The following HDAC4 variants were observed in gnomAD, a reference collection of about 807,000 sequenced individuals.
HDAC4 encodes the protein histone deacetylase A.
In HDAC4, 16 loss-of-function variants were observed where a neutral mutation model predicts 135.1. The observed-to-expected ratio is 0.12, with a 90% confidence interval of 0.08 to 0.18. HDAC4 has a LOEUF of 0.18. Ranked by LOEUF, HDAC4 falls within the 10% of genes least tolerant of loss-of-function variation. The pLI, the probability that HDAC4 is intolerant of heterozygous loss-of-function variation, is 1.00. For missense variants in HDAC4, 1,143 were observed against 1,511.8 expected (o/e 0.76, Z 4.05); for synonymous variants, 685 against 653.4 (o/e 1.05, Z -0.74).
chr2:239,308,817 C>T lies in HDAC4; in HGVS notation c.22+43861G>A, dbSNP rs1271494324. 6.6e-6 allele frequency among the ~76,000 whole-genome samples: 1 copy of T among 152,138 alleles called. No individual in the cohort carries two copies. Among genetic ancestry groups the T allele is most frequent in the Non-Finnish European group, 1.5e-5 (1 of 68,026 alleles). On this transcript the variant is annotated intron_variant, in intron 2 of 26. Coordinates refer to ENST00000543185, the MANE Select transcript of HDAC4 (RefSeq NM_001378414.1). This position sits in a 1 kb window ranked among gnomAD's most constrained non-coding sequence, Gnocchi z 4.2. The stretch of plus-strand genomic sequence containing the variant: ...TAGCAGGAGGCTCACGTTCCGAGTC[C>T]TCATTGCTCCCAGACCCAAGGGCAA...
At position 239,053,462 on chromosome 2, in the gene HDAC4, C is replaced by T; in HGVS notation, c.3228G>A (p.Lys1076=). The T allele has an allele frequency of 2.5e-6, 4 of 1,612,940 alleles. No homozygotes were observed. The highest frequency in any genetic ancestry group is 2.7e-5 in the African/African-American group (2 of 75,066). Reference sequence around the variant, plus strand: ...CGGGCGGCAGGGCAGGTGCTCACCTCTTTTCGGCGGGCTTCACGCCCACGG... The same window carrying T: ...CGGGCGGCAGGGCAGGTGCTCACCTTTTTTCGGCGGGCTTCACGCCCACGG... ...SLSVGVKPAE[K]RPDEEPMEEE... The change falls in exon 26 of 27, where the codon AAG becomes AAA. Residue 1076 remains lysine, a splice_region_variant and synonymous_variant. Transcript: ENST00000543185.
At chr2:239,375,027 T>C (rs1423287632) in intron 1 of HDAC4, among the ~76,000 whole-genome samples, 1 of 152,066 alleles carries the variant, frequency 6.6e-6, no homozygotes, top group African/African-American at 2.4e-5. Context: ...GGGTGTGAGC[T>C]AGACAGACTC....
Position 239,074,342 on chromosome 2 carries a change from C to T in HDAC4, c.2751-5735G>A, listed in dbSNP as rs562590576. Among the ~76,000 whole-genome samples the T allele has an allele frequency of 1.2e-4, 18 of 152,368 alleles. No individual in the cohort carries two copies. The East Asian group carries it at 2.9e-3, about 24-fold the overall frequency. ...TGACTGCTGCTTTGCAGCGAGCGCA[C>T]GTGGAGGCTTTACTTCCCCACTTTG... On this transcript the variant is annotated intron_variant, in intron 22 of 26. Transcript: ENST00000543185.
chr2:239,254,668 T>C (rs565219089), intron 2 of HDAC4, among the ~76,000 whole-genome samples: 1 of 152,082 alleles, frequency 6.6e-6, no homozygotes, highest in South Asian at 2.1e-4. Context: ...AATAAGATGG[T>C]CCAACATAGA....
chr2:239,067,788 T>C (rs1177919428), intron 23 of HDAC4, among the ~76,000 whole-genome samples: 1 of 152,138 alleles, frequency 6.6e-6, no homozygotes, highest in African/African-American at 2.4e-5. Flanking sequence ...TGGCCGCCTG[T>C]GCCGACAGGA....
chr2:239,273,778 C>A (rs1478212613), intron 2 of HDAC4, among the ~76,000 whole-genome samples: 2 of 152,236 alleles, frequency 1.3e-5, no homozygotes, highest in Non-Finnish European at 2.9e-5. Flanking sequence ...AACAAATAGA[C>A]TGGAGAGCAA....
At chr2:239,116,619 G>A (rs1575084024) in intron 12 of HDAC4, among the ~76,000 whole-genome samples, 2 of 152,204 alleles carry the variant, frequency 1.3e-5, no homozygotes, top group African/African-American at 4.8e-5. Flanking sequence ...AGCAGTGAGG[G>A]CACGCTTTCA....
chr2:239,096,333 C>G (rs531083419), intron 16 of HDAC4, among the ~76,000 whole-genome samples: 1 of 150,098 alleles, frequency 6.7e-6, no homozygotes, highest in African/African-American at 2.5e-5. Flanking sequence ...GCCCGCACCC[C>G]CTACGGACGC....
intron 12 of HDAC4, among the ~76,000 whole-genome samples, chr2:239,122,941 G>A (rs957134217): frequency 2.0e-4 from 31 of 152,314 alleles, no homozygotes; most frequent in Middle Eastern, 3.4e-3. Context: ...CCCTGGGGAC[G>A]TCATCCTCCA....
chr2:239,089,430 C>T (rs1446702954), intron 18 of HDAC4, among the ~76,000 whole-genome samples: 4 of 152,260 alleles, frequency 2.6e-5, no homozygotes, highest in Admixed American at 1.3e-4. Context: ...CAGGTTCAAG[C>T]GATTCGCCAG....
chr2:239,066,237 C>T (rs369212957), intron 24 of HDAC4, among the ~76,000 whole-genome samples: 3 of 152,356 alleles, frequency 2.0e-5, no homozygotes, highest in East Asian at 3.9e-4. Flanking sequence ...GGTAGGGACA[C>T]AGCAGGGAGC....
At chr2:239,281,314 C>T (rs371663942) in intron 2 of HDAC4, among the ~76,000 whole-genome samples, 1 of 112,528 alleles carries the variant, frequency 8.9e-6, no homozygotes, top group Non-Finnish European at 2.1e-5. Flanking sequence ...ACTCTACACA[C>T]AATGTACACA....
intron 1 of HDAC4, among the ~76,000 whole-genome samples, chr2:239,373,606 G>A (rs1694788045): frequency 6.6e-6 from 1 of 152,152 alleles, no homozygotes; most frequent in African/African-American, 2.4e-5. Flanking sequence ...TGGGATTACA[G>A]GCGTGCACCA....
At position 239,052,979 on chromosome 2, in the gene HDAC4, G is replaced by A; in HGVS notation, c.*118C>T. 3 of 1,220,200 alleles carry A rather than the reference G, an allele frequency of 2.5e-6. No homozygotes were observed. Among genetic ancestry groups the A allele is most frequent in the Non-Finnish European group, 3.6e-6 (3 of 822,262 alleles). The allele number at this position is 1,220,200 out of a possible 1,614,324, so 75.6% of individuals were successfully genotyped here. A position where few individuals can be genotyped will look rare whatever the true frequency, so the allele number is the denominator to read the frequency against. ...TTCCCGTGGCTGTTGCACGCTGGGT[G>A]TCCCTGGGTGCTCCAAGAGAGCCCC... On this transcript the variant is annotated 3_prime_UTR_variant, in exon 27 of 27. Coordinates refer to ENST00000543185, the MANE Select transcript of HDAC4 (RefSeq NM_001378414.1).
intron 3 of HDAC4, chr2:239,190,852 A>T (rs983700672): frequency 6.8e-5 from 28 of 413,950 alleles, no homozygotes; most frequent in South Asian, 4.6e-4. Context: ...ATACCAAATG[A>T]AAGTGAGAAA....
Position 239,135,983 on chromosome 2 carries a change from C to T in HDAC4, c.979-1340G>A, listed in dbSNP as rs116455294. ...AGTCAGCAGCAACAGTCTCCAAGGA[C>T]TTGAACTACTGTGATATTTAACATC... On this transcript the variant is annotated intron_variant, in intron 9 of 26. Coordinates refer to ENST00000543185, the MANE Select transcript of HDAC4 (RefSeq NM_001378414.1). Among the ~76,000 whole-genome samples, 1,191 of 152,300 alleles carry T rather than the reference C, an allele frequency of 7.8e-3. 18 individuals are homozygous for T. The highest frequency in any genetic ancestry group is 0.027 in the African/African-American group (1,133 of 41,560).
At chr2:239,065,423 G>A (rs907427290) in intron 24 of HDAC4, among the ~76,000 whole-genome samples, 3 of 152,240 alleles carry the variant, frequency 2.0e-5, no homozygotes, top group Non-Finnish European at 4.4e-5. Flanking sequence ...AAAGACAGGT[G>A]AGGTCGGATG....
At chr2:239,061,405 C>T (rs1037062954) in intron 24 of HDAC4, among the ~76,000 whole-genome samples, 1 of 148,024 alleles carries the variant, frequency 6.8e-6, no homozygotes, top group Admixed American at 6.7e-5. Context: ...TGTGTGCATG[C>T]ACAAGAGGGT....
Position 239,386,894 on chromosome 2 carries a change from C to T in HDAC4, c.-220+14084G>A, listed in dbSNP as rs185428469. On this transcript the variant is annotated intron_variant, in intron 1 of 26. Transcript: ENST00000543185. ...CACCCTCACCACCATCAGATGTACCCATTTTAGAGAAACTCCACCCTTCCT... is the reference window on the plus strand; with the variant it reads ...CACCCTCACCACCATCAGATGTACCTATTTTAGAGAAACTCCACCCTTCCT... Among the ~76,000 whole-genome samples, 29 of 152,336 alleles carry T rather than the reference C, an allele frequency of 1.9e-4. No individual in the cohort carries two copies. The East Asian group carries it at 5.4e-3, about 28-fold the overall frequency.
Sources: allele counts gnomAD v4.1 joint callset (sites outside exome capture counted in the v4.1 genomes callset), GRCh38; gene constraint gnomAD v4.1.1; non-coding constraint Gnocchi (gnomAD v3.1); transcripts MANE v1.5; gene names NCBI Gene and HGNC (gene_info 2026-07-23, HGNC 2026-07-21).